EDARADD: variants seen among roughly 807,000 people sequenced by gnomAD.
EDARADD encodes the protein ectodysplasin-A receptor-associated adapter protein.
In EDARADD, 20 loss-of-function variants were observed where a neutral mutation model predicts 25.6. That is an observed-to-expected ratio of 0.78 (90% CI 0.55 to 1.14). The LOEUF is 1.14. EDARADD is among the 50% of genes most tolerant of loss of function. The pLI is 0.00. For missense variants in EDARADD, 225 were observed against 270.1 expected (o/e 0.83, Z 1.17); for synonymous variants, 86 against 94.4 (o/e 0.91, Z 0.52).
intron 3 of EDARADD, among the ~76,000 whole-genome samples, chr1:236,366,980 T>C (rs2102992651): frequency 6.7e-6 from 1 of 149,208 alleles, no homozygotes; most frequent in Admixed American, 6.8e-5. Flanking sequence ...AGGACGCTGA[T>C]GCAGGAGGCA....
In EDARADD at chr1:236,482,247, T is replaced by C. The variant is rs1440320470; in HGVS notation, c.266-20T>C. ...TTAGGCCTCTTGTTGACCTGTGGAC[T>C]AAATTGTTTCTCCCTGCAGAGATCA... On this transcript the variant is annotated intron_variant, in intron 5 of 5. Coordinates refer to ENST00000334232, the MANE Select transcript of EDARADD (RefSeq NM_145861.4). 1 of 1,614,110 alleles carries C rather than the reference T, an allele frequency of 6.2e-7. No homozygotes were observed. Among genetic ancestry groups the C allele is most frequent in the East Asian group, 2.2e-5 (1 of 44,880 alleles).
chr1:236,405,757 C>CCT (rs1667700474), intron 1 of EDARADD, among the ~76,000 whole-genome samples: 1 of 55,360 alleles, frequency 1.8e-5, no homozygotes, highest in African/African-American at 6.4e-5. Flanking sequence ...TTCTTTCTTT[C>CCT]TTTCTTTCTT....
At chr1:236,467,016 A>G (rs943712301) in intron 4 of EDARADD, among the ~76,000 whole-genome samples, 1 of 152,124 alleles carries the variant, frequency 6.6e-6, no homozygotes, top group South Asian at 2.1e-4. Flanking sequence ...CAGTGAGCCG[A>G]GATTGTGCCA....
intron 3 of EDARADD, among the ~76,000 whole-genome samples, chr1:236,383,936 G>A (rs760612616): frequency 7.2e-5 from 11 of 152,288 alleles, no homozygotes; most frequent in African/African-American, 2.6e-4. Flanking sequence ...CCGGTAGGTC[G>A]AGGCTGCAGT....
intron 4 of EDARADD, among the ~76,000 whole-genome samples, chr1:236,455,990 C>T (rs534434168): frequency 1.1e-3 from 161 of 152,282 alleles, no homozygotes; most frequent in African/African-American, 3.9e-3. Context: ...GGAGTTTCAC[C>T]ATTTTAGCCA....
chr1:236,405,822 T>TTTCC (rs780077696), intron 1 of EDARADD, among the ~76,000 whole-genome samples: 707 of 55,414 alleles, frequency 0.013, 58 homozygotes, highest in East Asian at 0.04. Context: ...CCTTCCTTCC[T>TTTCC]TTCCTTCCTT....
intron 4 of EDARADD, among the ~76,000 whole-genome samples, chr1:236,454,111 T>C (rs1658786250): frequency 6.6e-6 from 1 of 152,180 alleles, no homozygotes; most frequent in Admixed American, 6.5e-5. Flanking sequence ...AGTGGCGTGA[T>C]CTTGGCTCAC....
At chr1:236,456,168 G>A (rs973701165) in intron 4 of EDARADD, among the ~76,000 whole-genome samples, 2 of 152,284 alleles carry the variant, frequency 1.3e-5, no homozygotes, top group South Asian at 4.1e-4. Flanking sequence ...TGCAGTCTCC[G>A]TCTCCTGAGT....
upstream of EDARADD, among the ~76,000 whole-genome samples, chr1:236,391,356 C>T (rs1467353228): frequency 6.6e-6 from 1 of 152,146 alleles, no homozygotes; most frequent in Non-Finnish European, 1.5e-5. Flanking sequence ...CCTTAAAGCA[C>T]TCTGGGCAAA....
intron 4 of EDARADD, among the ~76,000 whole-genome samples, chr1:236,463,173 T>C (rs1659084255): frequency 6.6e-6 from 1 of 152,378 alleles, no homozygotes; most frequent in South Asian, 2.1e-4. Context: ...GAATAGTGTT[T>C]GTATCGTGTC....
rs115039228 is a variant in EDARADD, at chr1:236,444,725, A to G, written c.219+17275A>G. On this transcript the variant is annotated intron_variant, in intron 4 of 5. Transcript: ENST00000334232. ...AGGCGTGAGCCACCGCGCCTGACCA[A>G]CTCTACAATGTTGATTCTATCACCA... 6.0e-3 allele frequency among the ~76,000 whole-genome samples: 906 copies of G among 152,096 alleles called. 13 individuals carry two copies. The highest frequency in any genetic ancestry group is 0.02 in the African/African-American group (837 of 41,464).
At chr1:236,379,800 T>TA (rs1200443521) in intron 3 of EDARADD, among the ~76,000 whole-genome samples, 1 of 152,000 alleles carries the variant, frequency 6.6e-6, no homozygotes, top group African/African-American at 2.4e-5. Flanking sequence ...TAAGTAAAAT[T>TA]AAAAAATTAA....
intron 4 of EDARADD, among the ~76,000 whole-genome samples, chr1:236,452,830 C>G (rs1050060396): frequency 3.8e-4 from 58 of 152,258 alleles, no homozygotes; most frequent in African/African-American, 1.4e-3. Context: ...ATCAAAACTC[C>G]TATGACACTA....
chr1:236,353,181 C>T (rs1281069729), intron 3 of EDARADD, among the ~76,000 whole-genome samples: 1 of 152,158 alleles, frequency 6.6e-6, no homozygotes, highest in Non-Finnish European at 1.5e-5. Flanking sequence ...TGTTACCTCT[C>T]ATCCCCCACA....
intron 3 of EDARADD, among the ~76,000 whole-genome samples, chr1:236,363,840 C>T (rs985449097): frequency 5.9e-5 from 9 of 152,096 alleles, no homozygotes; most frequent in Admixed American, 4.6e-4. Context: ...CCTGTGGAAC[C>T]ATGAGCCAAG....
At chr1:236,443,091 A>G (rs994209481) in intron 4 of EDARADD, among the ~76,000 whole-genome samples, 2 of 152,202 alleles carry the variant, frequency 1.3e-5, no homozygotes, top group African/African-American at 4.8e-5. Context: ...TTCCTTTGCC[A>G]TGAGATACCC....
intron 3 of EDARADD, among the ~76,000 whole-genome samples, chr1:236,386,939 C>T (rs1667362327): frequency 1.3e-5 from 1 of 75,494 alleles, no homozygotes; most frequent in Non-Finnish European, 2.9e-5. Context: ...CAGCCCCCCG[C>T]CCGGCCAGCC....
At chr1:236,427,330 G>A (rs913282329) in intron 3 of EDARADD, 62 bp from the exon 4 acceptor site, 15 of 1,535,352 alleles carry the variant, frequency 9.8e-6, no homozygotes, top group African/African-American at 5.5e-5. Flanking sequence ...CTTACACCAC[G>A]GAGTGTGTGC....
At chr1:236,392,122 G>A (rs1208682242), upstream of EDARADD, among the ~76,000 whole-genome samples, 2 of 152,116 alleles carry the variant, frequency 1.3e-5, no homozygotes, top group East Asian at 3.8e-4. Flanking sequence ...CATGGGGAGG[G>A]GGTGAGATTT....
Sources: gnomAD v4.1 joint callset for allele counts (sites outside exome capture counted in the v4.1 genomes callset) on GRCh38, gnomAD v4.1.1 for gene constraint, MANE v1.5 for transcripts, NCBI Gene and HGNC (gene_info 2026-07-23, HGNC 2026-07-21) for gene names.